The following PLEK2 variants were observed in gnomAD, a reference collection of about 807,000 sequenced individuals.
PLEK2 encodes the protein pleckstrin 2.
Under a neutral mutation model 43.8 loss-of-function variants are expected in PLEK2, and 29 were observed. That is an observed-to-expected ratio of 0.66 (90% CI 0.49 to 0.90). PLEK2 has a LOEUF of 0.90. Ranked by LOEUF, PLEK2 falls within the 40% of genes least tolerant of loss-of-function variation. The pLI, the probability that PLEK2 is intolerant of heterozygous loss-of-function variation, is 0.00. For synonymous variants in PLEK2, 162 were observed against 173.2 expected (o/e 0.94, Z 0.51); for missense variants, 398 against 448.1 (o/e 0.89, Z 1.01).
At chr14:67,387,747 A>G (rs1037318600) in intron 8 of PLEK2, among the ~76,000 whole-genome samples, 9 of 152,142 alleles carry the variant, frequency 5.9e-5, no homozygotes, top group African/African-American at 2.2e-4. Flanking sequence ...CTACCATTTC[A>G]TTTACATCAA....
chr14:67,395,498 T>C lies in PLEK2; in HGVS notation c.293A>G (p.Glu98Gly). 6.2e-7 allele frequency: 1 copy of C among 1,614,004 alleles called. No homozygotes were observed. The change falls in exon 3 of 9, where the codon GAG becomes GGG. Residue 98 changes from glutamate (E) to glycine (G), a missense_variant. Coordinates refer to ENST00000216446, the MANE Select transcript of PLEK2 (RefSeq NM_016445.3). ...SREERDAWAF[E>G]ITGAIHAGQP... is the part of the protein sequence containing the mutation. ...CCCTGCATGAATAGCCCCGGTGATCTCAAAGGCCCAGGCATCCCGCTCCTC... is the reference window on the plus strand; with the variant it reads ...CCCTGCATGAATAGCCCCGGTGATCCCAAAGGCCCAGGCATCCCGCTCCTC...
chr14:67,412,135 G>C lies in PLEK2; in HGVS notation c.-76C>G. ...GCGCTCCTCGGCACCCGCGCAGCCC[G>C]CGCAGTCCGCGCCCACGGCGCCCAG... On this transcript the variant is annotated 5_prime_UTR_variant, in exon 1 of 9. Coordinates refer to ENST00000216446, the MANE Select transcript of PLEK2 (RefSeq NM_016445.3). The C allele has an allele frequency of 7.8e-7, 1 of 1,278,516 alleles. No homozygotes were observed. Among genetic ancestry groups the C allele is most frequent in the Non-Finnish European group, 1.0e-6 (1 of 980,394 alleles). 79.2% of individuals were successfully genotyped at this position (1,278,516 alleles called of 1,614,324 possible). A position where few individuals can be genotyped will look rare whatever the true frequency, so the allele number is the denominator to read the frequency against.
At chr14:67,402,302 CATA>C (rs1199693029) in intron 1 of PLEK2, among the ~76,000 whole-genome samples, 5 of 151,968 alleles carry the variant, frequency 3.3e-5, no homozygotes, top group African/African-American at 4.8e-5. Context: ...TTTGTGGGTA[CATA>C]ATAAGTATAT....
At chr14:67,410,769 G>GT (rs769700695) in intron 1 of PLEK2, among the ~76,000 whole-genome samples, 1 of 152,190 alleles carries the variant, frequency 6.6e-6, no homozygotes, top group African/African-American at 2.4e-5. Context: ...AAACTCAGTA[G>GT]AAGAACCAGA....
intron 1 of PLEK2, among the ~76,000 whole-genome samples, chr14:67,406,411 C>T (rs9323497): frequency 0.26 from 39,614 of 151,928 alleles, 9,558 homozygotes; most frequent in African/African-American, 0.6. Flanking sequence ...GCTCAGTCTT[C>T]CTGGTTGTGT....
At chr14:67,406,822 C>T (rs968248628) in intron 1 of PLEK2, among the ~76,000 whole-genome samples, 1 of 152,166 alleles carries the variant, frequency 6.6e-6, no homozygotes. Flanking sequence ...CTAAAATCAC[C>T]AGGCAAAGTG....
intron 1 of PLEK2, among the ~76,000 whole-genome samples, chr14:67,411,009 T>C (rs1211474027): frequency 6.6e-6 from 1 of 151,910 alleles, no homozygotes; most frequent in Non-Finnish European, 1.5e-5. Context: ...TAGCTGGGCA[T>C]AGTAGTGGAT....
At chr14:67,393,348 GAC>G (rs1213452006) in intron 3 of PLEK2, 107 bp from the exon 4 acceptor site, 3 of 785,274 alleles carry the variant, frequency 3.8e-6, no homozygotes, top group Non-Finnish European at 7.0e-6. Context: ...CAAATGGTGT[GAC>G]ACACATCACA....
intron 8 of PLEK2, among the ~76,000 whole-genome samples, 163 bp downstream of exon 8, chr14:67,388,061 C>T (rs1473427551): frequency 6.6e-6 from 1 of 152,146 alleles, no homozygotes; most frequent in Admixed American, 6.5e-5. Context: ...CAAGAACATA[C>T]CCTTTGTTCA....
chr14:67,393,217 A>G lies in PLEK2; in HGVS notation c.414T>C (p.Asp138=), dbSNP rs1354164318. The change falls in exon 4 of 9, where the codon GAT becomes GAC. Residue 138 remains aspartate (D), a synonymous_variant. Coordinates refer to ENST00000216446, the MANE Select transcript of PLEK2 (RefSeq NM_016445.3). ...GGCTTGAACGGATTCCGGTGTTGCT[A>G]TCGTGCATCTTGTCCACAATGCGAC... ...SLHRIVDKMH[D]SNTGIRSSPN... 6.2e-7 allele frequency: 1 copy of G among 1,613,898 alleles called. No homozygotes were observed.
chr14:67,399,964 C>G (rs1383114646), intron 1 of PLEK2, among the ~76,000 whole-genome samples: 1 of 152,220 alleles, frequency 6.6e-6, no homozygotes, highest in Admixed American at 6.5e-5. Context: ...AACAGAGGTG[C>G]TTTACCTGAA....
chr14:67,388,579 A>G (rs895789791), intron 7 of PLEK2, among the ~76,000 whole-genome samples: 58 of 152,224 alleles, frequency 3.8e-4, no homozygotes, highest in African/African-American at 1.3e-3. Flanking sequence ...AGATGTCTCA[A>G]ACAGAGCCTC....
At chr14:67,395,369 G>C (rs2085999592) in intron 3 of PLEK2, 33 bp downstream of exon 3, 1 of 1,594,306 alleles carries the variant, frequency 6.3e-7, no homozygotes, top group African/African-American at 1.3e-5. Flanking sequence ...GGCAGGAGAG[G>C]CTGCCACAGA....
intron 1 of PLEK2, among the ~76,000 whole-genome samples, chr14:67,403,556 G>A (rs2086061507): frequency 6.6e-6 from 1 of 152,174 alleles, no homozygotes; most frequent in South Asian, 2.1e-4. Context: ...AACCCCTTCT[G>A]TTCAAAGTCA....
At chr14:67,405,068 T>C (rs1041164075) in intron 1 of PLEK2, among the ~76,000 whole-genome samples, 4 of 151,022 alleles carry the variant, frequency 2.6e-5, no homozygotes, top group Non-Finnish European at 5.9e-5. Context: ...ACCCCATCTC[T>C]ACTAAAAATA....
Position 67,395,504 on chromosome 14 carries a change from G to T in PLEK2, c.287C>A (p.Ala96Asp), listed in dbSNP as rs2086001006. The change falls in exon 3 of 9, where the codon GCC becomes GAC. Residue 96 changes from alanine to aspartate, a missense_variant. Physicochemically the swap from Ala to Asp is moderately radical, Grantham distance 126. Coordinates refer to ENST00000216446, the MANE Select transcript of PLEK2 (RefSeq NM_016445.3). ...ATGAATAGCCCCGGTGATCTCAAAG[G>T]CCCAGGCATCCCGCTCCTCTCGAGA... is the stretch of plus-strand genomic sequence containing the variant. Reference protein sequence around the residue: ...ACSREERDAWAFEITGAIHAG... With the variant: ...ACSREERDAWDFEITGAIHAG... The T allele has an allele frequency of 3.1e-6, 5 of 1,613,998 alleles. No individual in the cohort carries two copies. The highest frequency in any genetic ancestry group is 1.7e-5 in the Admixed American group (1 of 60,004).
intron 7 of PLEK2, among the ~76,000 whole-genome samples, chr14:67,390,394 A>G (rs2085957549): frequency 6.6e-6 from 1 of 152,180 alleles, no homozygotes. Context: ...GGGGAAGACC[A>G]AAAGATGCTT....
In PLEK2 at chr14:67,412,031, A is replaced by T; in HGVS notation, c.29T>A (p.Phe10Tyr). MEDGVLKEG[F>Y]LVKRGHIVHN... ...ACGCGCACTCACCCTCTTGACCAGGAAGCCCTCCTTGAGCACGCCGTCCTC... is the reference window on the plus strand; with the variant it reads ...ACGCGCACTCACCCTCTTGACCAGGTAGCCCTCCTTGAGCACGCCGTCCTC... The change falls in exon 1 of 9, where the codon TTC becomes TAC. Residue 10 changes from phenylalanine to tyrosine, a missense_variant. Transcript: ENST00000216446. The T allele has an allele frequency of 6.4e-7, 1 of 1,558,680 alleles. No homozygotes were observed. Among genetic ancestry groups the T allele is most frequent in the South Asian group, 1.2e-5 (1 of 84,322 alleles).
chr14:67,394,097 G>A (rs2085989329), intron 3 of PLEK2, among the ~76,000 whole-genome samples: 1 of 152,144 alleles, frequency 6.6e-6, no homozygotes, highest in Admixed American at 6.5e-5. Context: ...AGAACAGGGT[G>A]TTCAGTTATG....
Sources: allele counts gnomAD v4.1 joint callset (sites outside exome capture counted in the v4.1 genomes callset), GRCh38; gene constraint gnomAD v4.1.1; transcripts MANE v1.5; gene names NCBI Gene and HGNC (gene_info 2026-07-23, HGNC 2026-07-21).